The following SPAG16 variants were observed in gnomAD, a reference collection of about 807,000 sequenced individuals.
SPAG16 encodes sperm associated antigen 16.
A neutral mutation model predicts 80.4 loss-of-function variants in SPAG16; 86 were observed. That is an observed-to-expected ratio of 1.07 (90% CI 0.90 to 1.28). The LOEUF (loss-of-function observed/expected upper bound fraction) is 1.28, where lower values mean the gene tolerates loss of function less well. Among genes scored for constraint, SPAG16 ranks in the 50% most tolerant of loss-of-function variants. The pLI, the probability that SPAG16 is intolerant of heterozygous loss-of-function variation, is 0.00. For missense variants in SPAG16, 870 were observed against 765.3 expected, an observed-to-expected ratio of 1.14 and a Z score of -1.61; for synonymous variants, 294 against 265.9, an observed-to-expected ratio of 1.11 and a Z score of -1.03.
intron 15 of SPAG16, among the ~76,000 whole-genome samples, chr2:214,217,870 C>T (rs2058470650): frequency 1.3e-5 from 2 of 152,192 alleles, no homozygotes; most frequent in African/African-American, 4.8e-5. Context: ...GCTTTTGTAG[C>T]TGCTTCTGGG....
At chr2:213,739,019 T>C (rs1276738356) in intron 10 of SPAG16, among the ~76,000 whole-genome samples, 1 of 152,256 alleles carries the variant, frequency 6.6e-6, no homozygotes, top group African/African-American at 2.4e-5. Context: ...CTTAAACAAC[T>C]GTGATTTGGG....
chr2:214,405,212 T>C (rs1574530632), intron 15 of SPAG16, among the ~76,000 whole-genome samples: 1 of 151,984 alleles, frequency 6.6e-6, no homozygotes, highest in East Asian at 1.9e-4. Context: ...AGCCTTGAAC[T>C]CCTGGACTCC....
chr2:213,788,258 A>G (rs975244415), intron 10 of SPAG16, among the ~76,000 whole-genome samples: 1 of 151,974 alleles, frequency 6.6e-6, no homozygotes, highest in Non-Finnish European at 1.5e-5. Context: ...AATTTTATAT[A>G]GTCAATATAA....
intron 9 of SPAG16, among the ~76,000 whole-genome samples, chr2:213,407,056 G>T (rs576666396): frequency 1.3e-5 from 2 of 152,278 alleles, no homozygotes; most frequent in South Asian, 4.2e-4. Flanking sequence ...GCGGGAGCGG[G>T]TAGAGTACCT....
At chr2:213,742,295 A>C (rs2067590592) in intron 10 of SPAG16, among the ~76,000 whole-genome samples, 1 of 152,070 alleles carries the variant, frequency 6.6e-6, no homozygotes, top group African/African-American at 2.4e-5. Flanking sequence ...TAATAAATTC[A>C]TTTGTCTTCC....
chr2:213,317,246 T>A lies in SPAG16; in HGVS notation c.426T>A (p.Thr142=). The part of the protein sequence containing the change: ...EWYELIQKGV[T]ELRTVGNVPD... ...ATGAGTTAATACAGAAAGGAGTGAC[T>A]GAACTTAGAACTGTTGGGAATGTTC... Residue 142 remains threonine (T), a synonymous_variant, in exon 5 of 16, where the codon ACT becomes ACA. Coordinates refer to ENST00000331683, the MANE Select transcript of SPAG16 (RefSeq NM_024532.5). 1 of 1,603,502 alleles carries A rather than the reference T, an allele frequency of 6.2e-7. No homozygotes were observed. Among genetic ancestry groups the A allele is most frequent in the Non-Finnish European group, 8.5e-7 (1 of 1,174,458 alleles).
intron 11 of SPAG16, among the ~76,000 whole-genome samples, chr2:213,895,965 G>A (rs555874360): frequency 6.6e-6 from 1 of 151,790 alleles, no homozygotes; most frequent in Admixed American, 6.6e-5. Context: ...TTATATCAAG[G>A]TAAAATCTTC....
chr2:213,762,581 T>A (rs2068722230), intron 10 of SPAG16, among the ~76,000 whole-genome samples: 1 of 152,150 alleles, frequency 6.6e-6, no homozygotes, highest in Non-Finnish European at 1.5e-5. Context: ...AAAAACTGGT[T>A]ACCCTCATGT....
intron 10 of SPAG16, among the ~76,000 whole-genome samples, chr2:213,718,796 A>G (rs910516728): frequency 8.5e-5 from 13 of 152,108 alleles, no homozygotes; most frequent in African/African-American, 3.1e-4. Context: ...GCTCCTGTGC[A>G]GCCCAAGCCT....
At chr2:214,211,008 A>G (rs1228714128) in intron 15 of SPAG16, among the ~76,000 whole-genome samples, 1 of 152,202 alleles carries the variant, frequency 6.6e-6, no homozygotes, top group Non-Finnish European at 1.5e-5. Context: ...AATGAACGTT[A>G]TGCACCATGT....
At chr2:214,015,277 G>T (rs947096319) in intron 13 of SPAG16, among the ~76,000 whole-genome samples, 1 of 152,110 alleles carries the variant, frequency 6.6e-6, no homozygotes, top group African/African-American at 2.4e-5. Context: ...CAGGTGGCTG[G>T]TTGATATCAG....
chr2:213,831,345 G>C (rs1389900685), intron 10 of SPAG16, among the ~76,000 whole-genome samples: 1 of 151,314 alleles, frequency 6.6e-6, no homozygotes, highest in East Asian at 1.9e-4. Flanking sequence ...GCTGAACCAT[G>C]ACTTTTTATC....
intron 11 of SPAG16, among the ~76,000 whole-genome samples, chr2:213,907,673 G>A (rs992140296): frequency 6.6e-6 from 1 of 151,982 alleles, no homozygotes; most frequent in Admixed American, 6.6e-5. Flanking sequence ...ATACACAATG[G>A]AATACTATTC....
chr2:213,347,019 CTTT>C (rs1559436655), intron 6 of SPAG16, among the ~76,000 whole-genome samples: 1 of 151,980 alleles, frequency 6.6e-6, no homozygotes, highest in East Asian at 1.9e-4. Context: ...TGGTCCTGGA[CTTT>C]TTTTGGTTGG....
At chr2:213,833,566 A>ATATT (rs1491310920) in intron 10 of SPAG16, among the ~76,000 whole-genome samples, 1 of 11,362 alleles carries the variant, frequency 8.8e-5, no homozygotes, top group African/African-American at 2.6e-4. Flanking sequence ...TAATATATAT[A>ATATT]ATATATATAT....
chr2:213,406,846 G>A (rs567528322), intron 9 of SPAG16, among the ~76,000 whole-genome samples: 28 of 151,484 alleles, frequency 1.8e-4, no homozygotes, highest in Middle Eastern at 6.8e-3. Context: ...GTGAGGAGGC[G>A]CACCCAGCCC....
At chr2:213,882,096 TTTTTA>T (rs2076365869) in intron 11 of SPAG16, among the ~76,000 whole-genome samples, 1 of 152,232 alleles carries the variant, frequency 6.6e-6, no homozygotes, top group African/African-American at 2.4e-5. Flanking sequence ...GATTGTGTGA[TTTTTA>T]TTTTAATTCT....
intron 10 of SPAG16, among the ~76,000 whole-genome samples, chr2:213,534,089 T>C (rs1017834609): frequency 6.6e-6 from 1 of 152,136 alleles, no homozygotes; most frequent in Non-Finnish European, 1.5e-5. Context: ...TTTAGCCATT[T>C]TTTAAGGTTT....
intron 12 of SPAG16, among the ~76,000 whole-genome samples, chr2:214,009,131 C>A (rs2047169896): frequency 6.6e-6 from 1 of 152,124 alleles, no homozygotes; most frequent in Admixed American, 6.6e-5. Context: ...CTTGTGGAAT[C>A]TTACTCTATG....
Sources: allele counts gnomAD v4.1 joint callset (sites outside exome capture counted in the v4.1 genomes callset), GRCh38; gene constraint gnomAD v4.1.1; transcripts MANE v1.5; gene names NCBI Gene and HGNC (gene_info 2026-07-23, HGNC 2026-07-21).